ERBIN: variants seen among roughly 807,000 people sequenced by gnomAD.
The protein encoded by ERBIN is densin-180-like protein.
ERBIN carries 60 observed loss-of-function variants against 158.4 expected under a neutral mutation model. That is an observed-to-expected ratio of 0.38 (90% confidence interval 0.31 to 0.47). The LOEUF (loss-of-function observed/expected upper bound fraction) is 0.47, where lower values mean the gene tolerates loss of function less well. ERBIN is among the 20% of genes least tolerant of loss of function. ERBIN has a pLI of 0.99. For synonymous variants in ERBIN, 594 were observed against 557.2 expected (o/e 1.07, Z -0.93); for missense variants, 1,610 against 1,648.0 (o/e 0.98, Z 0.40).
intron 15 of ERBIN, among the ~76,000 whole-genome samples, chr5:66,038,915 C>G (rs1007291546): frequency 6.6e-6 from 1 of 151,932 alleles, no homozygotes; most frequent in African/African-American, 2.4e-5. Context: ...TTTTGCCCGA[C>G]AAGGGGGAGT....
chr5:66,057,036 G>A (rs1433578569), intron 21 of ERBIN, among the ~76,000 whole-genome samples: 3 of 152,038 alleles, frequency 2.0e-5, no homozygotes, highest in South Asian at 2.1e-4. Context: ...CCTAACATAC[G>A]TGAAACTTTT....
intron 1 of ERBIN, among the ~76,000 whole-genome samples, chr5:65,934,825 G>A (rs532486130): frequency 6.6e-6 from 1 of 152,224 alleles, no homozygotes; most frequent in Non-Finnish European, 1.5e-5. Flanking sequence ...ATCTTCGCAA[G>A]GACATAATGC....
intron 21 of ERBIN, among the ~76,000 whole-genome samples, chr5:66,062,133 G>GAA (rs1760458538): frequency 1.3e-5 from 2 of 152,186 alleles, no homozygotes; most frequent in African/African-American, 4.8e-5. Flanking sequence ...ATATCCTGCA[G>GAA]TGTTTTCCAA....
At chr5:65,941,152 C>T (rs896834194) in intron 1 of ERBIN, among the ~76,000 whole-genome samples, 4 of 151,956 alleles carry the variant, frequency 2.6e-5, no homozygotes, top group African/African-American at 9.7e-5. Context: ...ACTCCCTAAT[C>T]TCAAGTACCC....
chr5:66,074,944 T>C (rs893652455), intron 22 of ERBIN, 80 bp from the exon 23 acceptor site: 21 of 1,291,264 alleles, frequency 1.6e-5, no homozygotes, highest in Non-Finnish European at 2.3e-5. Context: ...AGTGCTTTTG[T>C]AATGCTCCAA....
chr5:66,053,190 A>G (rs899266052), intron 20 of ERBIN, among the ~76,000 whole-genome samples: 1 of 152,180 alleles, frequency 6.6e-6, no homozygotes, highest in Admixed American at 6.5e-5. Flanking sequence ...ATTATCTATG[A>G]ATTTTAATTG....
chr5:65,964,718 C>G (rs1354911750), intron 1 of ERBIN, among the ~76,000 whole-genome samples: 2 of 149,956 alleles, frequency 1.3e-5, no homozygotes, highest in Non-Finnish European at 3.0e-5. Flanking sequence ...ATAGCTCTTT[C>G]TCAATACAGC....
intron 21 of ERBIN, among the ~76,000 whole-genome samples, chr5:66,063,572 A>C (rs1272680492): frequency 6.6e-6 from 1 of 152,110 alleles, no homozygotes; most frequent in East Asian, 1.9e-4. Flanking sequence ...GGCACTCCCC[A>C]GTGAGATGAA....
At chr5:66,028,887 CAT>C (rs763472184) in intron 14 of ERBIN, among the ~76,000 whole-genome samples, 26 of 152,142 alleles carry the variant, frequency 1.7e-4, no homozygotes, top group Non-Finnish European at 2.4e-4. Flanking sequence ...TAAGTGAAGA[CAT>C]GTGAAGTTTA....
At chr5:66,019,574 A>G (rs182677766) in intron 7 of ERBIN, among the ~76,000 whole-genome samples, 3 of 152,202 alleles carry the variant, frequency 2.0e-5, no homozygotes, top group Admixed American at 1.3e-4. Context: ...TCTAAAGTGT[A>G]TGAGTATAGC....
At chr5:66,003,026 G>A (rs778704766) in intron 4 of ERBIN, among the ~76,000 whole-genome samples, 9 of 152,198 alleles carry the variant, frequency 5.9e-5, no homozygotes, top group Non-Finnish European at 1.3e-4. Context: ...CCCTACCATA[G>A]CGTAGGCATT....
chr5:66,012,166 AAAAC>A (rs778839876), intron 5 of ERBIN, 39 bp downstream of exon 5: 1 of 1,355,678 alleles, frequency 7.4e-7, no homozygotes, highest in South Asian at 1.3e-5. Context: ...TTTTGTGAAT[AAAAC>A]AATTATGAAA....
At chr5:65,959,362 A>G (rs1403268001) in intron 1 of ERBIN, among the ~76,000 whole-genome samples, 4 of 152,176 alleles carry the variant, frequency 2.6e-5, no homozygotes, top group Non-Finnish European at 5.9e-5. Context: ...ATTTGGAAGA[A>G]GTATTAATAT....
intron 1 of ERBIN, among the ~76,000 whole-genome samples, chr5:65,927,167 T>G (rs1742757161): frequency 6.6e-6 from 1 of 152,144 alleles, no homozygotes; most frequent in South Asian, 2.1e-4. Context: ...GCCAGGCACC[T>G]TCTGTTTGGG....
In ERBIN at chr5:66,080,991, A is replaced by G. The variant is rs768077318; in HGVS notation, c.*2461A>G. ...AGAATTTTGCTGTAATAAAGTTTCAAAATTTGAATAAAATAATTAAATTTT... is the reference window on the plus strand; with the variant it reads ...AGAATTTTGCTGTAATAAAGTTTCAGAATTTGAATAAAATAATTAAATTTT... On this transcript the variant is annotated 3_prime_UTR_variant, in exon 26 of 26. Coordinates refer to ENST00000284037, the MANE Select transcript of ERBIN (RefSeq NM_001253697.2). 4 of 152,044 alleles carry G rather than the reference A, an allele frequency of 2.6e-5. No individual in the cohort carries two copies. Among genetic ancestry groups the G allele is most frequent in the African/African-American group, 7.2e-5 (3 of 41,458 alleles). The allele number at this position is 152,044 out of a possible 1,614,324, so 9.4% of individuals were successfully genotyped here.
chr5:66,018,477 ATATTATATAT>A (rs1755107062), intron 7 of ERBIN, among the ~76,000 whole-genome samples: 2 of 5,620 alleles, frequency 3.6e-4, no homozygotes, highest in African/African-American at 1.2e-3. Context: ...TATATATTAT[ATATTATATAT>A]TATATTATAT....
intron 21 of ERBIN, among the ~76,000 whole-genome samples, chr5:66,063,414 C>G (rs1413105653): frequency 6.6e-6 from 1 of 152,130 alleles, no homozygotes; most frequent in African/African-American, 2.4e-5. Context: ...GCAGGAGTGA[C>G]CCGATTTTCC....
At chr5:65,998,788 T>G (rs1752710358) in intron 4 of ERBIN, among the ~76,000 whole-genome samples, 1 of 151,520 alleles carries the variant, frequency 6.6e-6, no homozygotes, top group Admixed American at 6.6e-5. Flanking sequence ...TTCCGACTAC[T>G]TCAGGCTGTT....
intron 1 of ERBIN, among the ~76,000 whole-genome samples, chr5:65,986,154 T>A (rs1751206885): frequency 6.6e-6 from 1 of 152,226 alleles, no homozygotes; most frequent in Non-Finnish European, 1.5e-5. Flanking sequence ...AGCAGATGAC[T>A]TTCAGATTTA....
Sources: allele counts gnomAD v4.1 joint callset (sites outside exome capture counted in the v4.1 genomes callset), GRCh38; gene constraint gnomAD v4.1.1; transcripts MANE v1.5; gene names NCBI Gene and HGNC (gene_info 2026-07-23, HGNC 2026-07-21).